Variants in MTMR2 observed in about 807,000 individuals in gnomAD.
The protein encoded by MTMR2 is myotubularin related protein 2, also known as phosphatidylinositol-3,5-bisphosphate 3-phosphatase MTMR2.
In MTMR2, 55 loss-of-function variants were observed where a neutral mutation model predicts 86.9. That is an observed-to-expected ratio of 0.63 (90% CI 0.51 to 0.79). MTMR2 has a LOEUF of 0.79. Among genes scored for constraint, MTMR2 ranks in the 30% least tolerant of loss-of-function variants. The pLI, the probability that MTMR2 is intolerant of heterozygous loss-of-function variation, is 0.00. For synonymous variants in MTMR2, 241 were observed against 266.8 expected (o/e 0.90, Z 0.94); for missense variants, 659 against 772.3 (o/e 0.85, Z 1.74).
chr11:95,838,158 T>A lies in MTMR2; in HGVS notation c.1529A>T (p.Asp510Val), dbSNP rs1214719788. Residue 510 changes from aspartate (D) to valine (V), a missense_variant, in exon 13 of 15, where the codon GAC becomes GTC. Asp to Val is a radical substitution (Grantham distance 152, BLOSUM62 -3). Coordinates refer to ENST00000346299, the MANE Select transcript of MTMR2 (RefSeq NM_016156.6). Reference protein sequence around the residue: ...FNEYFLITILDHLYSCLFGTF... With the variant: ...FNEYFLITILVHLYSCLFGTF... ...TCCGAATAAGCAGCTGTATAGGTGG[T>A]CCAAAATGGTAATGAGAAAATACTC... is the stretch of plus-strand genomic sequence containing the variant. 2 of 1,611,538 alleles carry A rather than the reference T, an allele frequency of 1.2e-6. No individual in the cohort carries two copies.
At chr11:95,921,699 TTAAG>T (rs1385782954) in intron 1 of MTMR2, among the ~76,000 whole-genome samples, 1 of 152,210 alleles carries the variant, frequency 6.6e-6, no homozygotes, top group Non-Finnish European at 1.5e-5. Context: ...ACAGTAGACA[TTAAG>T]TAAATGTTAC....
At chr11:95,839,223 T>C (rs1863429463) in intron 12 of MTMR2, among the ~76,000 whole-genome samples, 1 of 151,856 alleles carries the variant, frequency 6.6e-6, no homozygotes. Flanking sequence ...TTACTAGGCC[T>C]TGATTTTTGT....
intron 1 of MTMR2, among the ~76,000 whole-genome samples, chr11:95,917,464 A>G (rs1866752066): frequency 6.6e-6 from 1 of 152,116 alleles, no homozygotes; most frequent in African/African-American, 2.4e-5. Flanking sequence ...TCCTGGAATT[A>G]CTTGTTCATA....
intron 1 of MTMR2, among the ~76,000 whole-genome samples, chr11:95,916,750 G>T (rs547137317): frequency 4.4e-4 from 67 of 151,986 alleles, no homozygotes; most frequent in Non-Finnish European, 8.1e-4. Flanking sequence ...CACAGCATTT[G>T]CTCTTATTTA....
At chr11:95,867,235 T>G (rs1012248145) in intron 2 of MTMR2, among the ~76,000 whole-genome samples, 2 of 152,210 alleles carry the variant, frequency 1.3e-5, no homozygotes, top group African/African-American at 4.8e-5. Context: ...TTTATGTCAC[T>G]TATAACGCTG....
chr11:95,922,962 T>C (rs981205544), intron 1 of MTMR2, among the ~76,000 whole-genome samples: 3 of 152,242 alleles, frequency 2.0e-5, no homozygotes, highest in African/African-American at 7.2e-5. Context: ...AGACTATTAT[T>C]CAGTGGAAAA....
chr11:95,907,552 G>A (rs1296495310), intron 1 of MTMR2, among the ~76,000 whole-genome samples: 1 of 151,972 alleles, frequency 6.6e-6, no homozygotes, highest in Non-Finnish European at 1.5e-5. Context: ...CTGGCAGACA[G>A]ACAACGAAAA....
At chr11:95,879,142 G>T (rs1028527801) in intron 2 of MTMR2, among the ~76,000 whole-genome samples, 12 of 151,302 alleles carry the variant, frequency 7.9e-5, no homozygotes, top group African/African-American at 2.9e-4. Flanking sequence ...AGGACCAGAG[G>T]CTGAGAAAGA....
At chr11:95,857,062 T>G (rs1323401526) in intron 7 of MTMR2, among the ~76,000 whole-genome samples, 1 of 152,160 alleles carries the variant, frequency 6.6e-6, no homozygotes, top group Non-Finnish European at 1.5e-5. Flanking sequence ...TTAGATATCT[T>G]TAGCTCTCTG....
chr11:95,913,771 A>G (rs1866597393), intron 1 of MTMR2, among the ~76,000 whole-genome samples: 1 of 152,006 alleles, frequency 6.6e-6, no homozygotes, highest in South Asian at 2.1e-4. Flanking sequence ...AAAAAAAGAA[A>G]GAATAGAGAA....
At chr11:95,849,497 T>C (rs1371893577) in intron 9 of MTMR2, among the ~76,000 whole-genome samples, 177 bp downstream of exon 9, 1 of 152,204 alleles carries the variant, frequency 6.6e-6, no homozygotes, top group African/African-American at 2.4e-5. Context: ...AATAAACAAA[T>C]TGAGGTCTAA....
intron 2 of MTMR2, among the ~76,000 whole-genome samples, chr11:95,868,969 A>G (rs571143411): frequency 4.7e-4 from 71 of 151,992 alleles, no homozygotes; most frequent in African/African-American, 1.7e-3. Context: ...AAAGAAAAAG[A>G]AAAAAATATC....
chr11:95,884,776 TACTC>T (rs1330249679), intron 2 of MTMR2, among the ~76,000 whole-genome samples: 1 of 152,178 alleles, frequency 6.6e-6, no homozygotes, highest in African/African-American at 2.4e-5. Flanking sequence ...AATTTAGTGT[TACTC>T]ACTCATCTCC....
chr11:95,864,894 C>T (rs1864553466), intron 3 of MTMR2, among the ~76,000 whole-genome samples: 1 of 152,030 alleles, frequency 6.6e-6, no homozygotes, highest in African/African-American at 2.4e-5. Context: ...CAAAATGAAA[C>T]ATGGTAGTTA....
intron 7 of MTMR2, among the ~76,000 whole-genome samples, chr11:95,851,219 T>C (rs1450569715): frequency 6.6e-6 from 1 of 151,722 alleles, no homozygotes; most frequent in African/African-American, 2.4e-5. Context: ...TACGCCACCA[T>C]GCTGGGCTAA....
rs762396029 is a variant in MTMR2 at position 95,834,941 on chromosome 11, CAG to C, written c.*347_*348del. 486 of 324,808 alleles carry C rather than the reference CAG, an allele frequency of 1.5e-3. 1 individual carries two copies. The highest frequency in any genetic ancestry group is 5.3e-3 in the Middle Eastern group (5 of 944). The allele number at this position is 324,808 out of a possible 1,614,324, so 20.1% of individuals were successfully genotyped here. ...CTGATGTTCCTCTGCACAGTGAGCA[CAG>C]AGTGTATTTCTAAAATGGTTTTAAT... is the stretch of plus-strand genomic sequence containing the variant. On this transcript the variant is annotated 3_prime_UTR_variant, in exon 15 of 15. Transcript: ENST00000346299.
At chr11:95,872,174 TG>T (rs1204438451) in intron 2 of MTMR2, among the ~76,000 whole-genome samples, 3 of 152,238 alleles carry the variant, frequency 2.0e-5, no homozygotes, top group African/African-American at 7.2e-5. Flanking sequence ...ATTGGCAGCT[TG>T]ATGGGGATGG....
chr11:95,907,322 T>C (rs1292759702), intron 1 of MTMR2, among the ~76,000 whole-genome samples: 1 of 151,700 alleles, frequency 6.6e-6, no homozygotes, highest in Non-Finnish European at 1.5e-5. Context: ...AGGAAGAAAG[T>C]GAAAACCTGA....
chr11:95,891,458 A>AAAG (rs1565376425), intron 1 of MTMR2, among the ~76,000 whole-genome samples: 4,499 of 151,876 alleles, frequency 0.03, 203 homozygotes, highest in African/African-American at 0.1. Flanking sequence ...CCAAAAAAAA[A>AAAG]AAAGAAAGAA....
Sources: gnomAD v4.1 joint callset for allele counts (sites outside exome capture counted in the v4.1 genomes callset) on GRCh38, gnomAD v4.1.1 for gene constraint, MANE v1.5 for transcripts, NCBI Gene and HGNC (gene_info 2026-07-23, HGNC 2026-07-21) for gene names.